THRB: variants seen among roughly 807,000 people sequenced by gnomAD.
THRB encodes thyroid hormone receptor beta.
In THRB, 12 loss-of-function variants were observed where a neutral mutation model predicts 47.8. The observed-to-expected ratio is 0.25, with a 90% CI of 0.16 to 0.41. The LOEUF (loss-of-function observed/expected upper bound fraction) is 0.41. Ranked by LOEUF, THRB falls within the 10% of genes least tolerant of loss-of-function variation. The pLI is 1.00. For synonymous variants in THRB, 218 were observed against 212.2 expected (o/e 1.03, Z -0.24); for missense variants, 348 against 589.2 (o/e 0.59, Z 4.24).
chr3:24,277,870 G>T (rs1395169141), intron 3 of THRB, among the ~76,000 whole-genome samples: 1 of 152,152 alleles, frequency 6.6e-6, no homozygotes, highest in African/African-American at 2.4e-5. Flanking sequence ...CAATAAATCA[G>T]CCCTTTGACA....
At chr3:24,367,245 G>C (rs900857652) in intron 1 of THRB, among the ~76,000 whole-genome samples, 35 of 152,146 alleles carry the variant, frequency 2.3e-4, no homozygotes, top group Non-Finnish European at 2.9e-5. Flanking sequence ...TTGAGCATTT[G>C]TACATGGCAA....
At chr3:24,424,045 AGTTTTTTAATTTCT>A (rs370490878) in intron 1 of THRB, among the ~76,000 whole-genome samples, 10 of 152,056 alleles carry the variant, frequency 6.6e-5, no homozygotes, top group Middle Eastern at 3.4e-3. Context: ...AGAGGACTTC[AGTTTTTTAATTTCT>A]GAAATTAGTA....
intron 2 of THRB, among the ~76,000 whole-genome samples, chr3:24,312,432 T>C (rs1318425096): frequency 1.3e-5 from 2 of 152,214 alleles, no homozygotes; most frequent in Admixed American, 1.3e-4. Context: ...ATGAAGTATA[T>C]TGTCCTGGAA....
intron 1 of THRB, among the ~76,000 whole-genome samples, chr3:24,448,237 T>C (rs1335343452): frequency 6.6e-6 from 1 of 152,096 alleles, no homozygotes; most frequent in African/African-American, 2.4e-5. Context: ...TAAGTATAAC[T>C]TAACTTTAAA....
chr3:24,150,671 G>A (rs1357970809), intron 6 of THRB, among the ~76,000 whole-genome samples: 3 of 152,116 alleles, frequency 2.0e-5, no homozygotes, highest in African/African-American at 4.8e-5. Context: ...CACTAATAAC[G>A]TATTGTCCTC....
chr3:24,134,327 T>G (rs1469954350), intron 8 of THRB, among the ~76,000 whole-genome samples: 1 of 152,148 alleles, frequency 6.6e-6, no homozygotes, highest in Non-Finnish European at 1.5e-5. Flanking sequence ...TGATGTGATC[T>G]GTGTCCATGT....
intron 4 of THRB, among the ~76,000 whole-genome samples, chr3:24,225,227 C>T (rs781134633): frequency 1.2e-4 from 19 of 152,172 alleles, no homozygotes; most frequent in Non-Finnish European, 2.5e-4. Flanking sequence ...TCACAGGAAA[C>T]AGTACAAAGA....
chr3:24,249,011 C>G (rs924825676), intron 3 of THRB, among the ~76,000 whole-genome samples: 1 of 152,180 alleles, frequency 6.6e-6, no homozygotes, highest in African/African-American at 2.4e-5. Context: ...TTTGTTTCCT[C>G]TCTGGATCCT....
chr3:24,283,153 T>C (rs1484262482), intron 3 of THRB, among the ~76,000 whole-genome samples: 4 of 152,060 alleles, frequency 2.6e-5, no homozygotes, highest in African/African-American at 9.7e-5. Context: ...TAGACCAATA[T>C]CCTTGATGAA....
intron 1 of THRB, among the ~76,000 whole-genome samples, chr3:24,341,672 T>C (rs1394535909): frequency 1.3e-5 from 2 of 152,210 alleles, no homozygotes; most frequent in African/African-American, 4.8e-5. Flanking sequence ...CCTGTGCTTT[T>C]TGATTGTGTT....
intron 1 of THRB, among the ~76,000 whole-genome samples, chr3:24,416,418 T>C (rs1052459170): frequency 3.3e-5 from 5 of 151,866 alleles, no homozygotes; most frequent in African/African-American, 1.2e-4. Flanking sequence ...GGAGCTGCTT[T>C]TCAGGAACTG....
At position 24,370,952 on chromosome 3, in the gene THRB, G is replaced by T. The variant is rs146814903; in HGVS notation, c.-260-33581C>A. Among the ~76,000 whole-genome samples, 807 of 152,194 alleles carry T rather than the reference G, an allele frequency of 5.3e-3. 7 individuals are homozygous for T. Among genetic ancestry groups the T allele is most frequent in the African/African-American group, 0.018 (751 of 41,524 alleles). ...TAACATTAATTAAGCTCTGTTTGCA[G>T]GTAATTTTCAAAAGAGCTGTAGAAA... is the stretch of plus-strand genomic sequence containing the variant. On this transcript the variant is annotated intron_variant, in intron 1 of 10. Transcript: ENST00000646209.
chr3:24,293,167 A>T (rs2056116121), intron 3 of THRB, among the ~76,000 whole-genome samples: 1 of 152,200 alleles, frequency 6.6e-6, no homozygotes, highest in African/African-American at 2.4e-5. Flanking sequence ...GTGGTCTGAA[A>T]GGGTATCACG....
chr3:24,281,579 T>C (rs563293566), intron 3 of THRB, among the ~76,000 whole-genome samples: 3 of 137,694 alleles, frequency 2.2e-5, no homozygotes, highest in Admixed American at 7.3e-5. Context: ...AATTCACACA[T>C]AACAATATTA....
chr3:24,215,384 G>A (rs1046202164), intron 4 of THRB, among the ~76,000 whole-genome samples: 6 of 152,264 alleles, frequency 3.9e-5, no homozygotes, highest in Middle Eastern at 3.4e-3. Flanking sequence ...GTGGAAAACT[G>A]GGGATTTGAA....
intron 1 of THRB, among the ~76,000 whole-genome samples, chr3:24,487,219 C>CT (rs1389919029): frequency 6.6e-6 from 1 of 151,974 alleles, no homozygotes; most frequent in African/African-American, 2.4e-5. Flanking sequence ...TCATTTGTCA[C>CT]TTTTTATGAA....
intron 2 of THRB, among the ~76,000 whole-genome samples, chr3:24,333,136 C>G (rs2062029991): frequency 6.6e-6 from 1 of 151,900 alleles, no homozygotes; most frequent in Non-Finnish European, 1.5e-5. Context: ...AACCTGAAAC[C>G]CGGATATATT....
intron 3 of THRB, among the ~76,000 whole-genome samples, chr3:24,251,859 A>G (rs2050703931): frequency 6.6e-6 from 1 of 152,140 alleles, no homozygotes; most frequent in South Asian, 2.1e-4. Context: ...AAGACAGCAT[A>G]AAAAAGAAAT....
At chr3:24,226,927 A>G (rs1289467483) in intron 4 of THRB, among the ~76,000 whole-genome samples, 1 of 152,200 alleles carries the variant, frequency 6.6e-6, no homozygotes, top group Admixed American at 6.5e-5. Context: ...AGAAATATTT[A>G]TTCACTGGCC....
Sources: gnomAD v4.1 joint callset for allele counts (sites outside exome capture counted in the v4.1 genomes callset) on GRCh38, gnomAD v4.1.1 for gene constraint, MANE v1.5 for transcripts, NCBI Gene and HGNC (gene_info 2026-07-23, HGNC 2026-07-21) for gene names.